The following GRAP2 variants were observed in gnomAD, a reference collection of about 807,000 sequenced individuals.
GRAP2 encodes GRB2-related adapter protein 2.
Under a neutral mutation model 43.5 loss-of-function variants are expected in GRAP2, and 31 were observed. The ratio of observed to expected loss-of-function variants is 0.71; its 90% CI spans 0.54 to 0.96. The LOEUF (loss-of-function observed/expected upper bound fraction) is 0.96, where lower values mean the gene tolerates loss of function less well. Ranked by LOEUF, GRAP2 falls within the 40% of genes least tolerant of loss-of-function variation. The pLI, the probability that GRAP2 is intolerant of heterozygous loss-of-function variation, is 0.00. For missense variants in GRAP2, 371 were observed against 424.4 expected, an observed-to-expected ratio of 0.87 and a Z score of 1.11; for synonymous variants, 156 against 164.8, an observed-to-expected ratio of 0.95 and a Z score of 0.41.
intron 1 of GRAP2, among the ~76,000 whole-genome samples, chr22:39,902,121 T>C (rs2066497340): frequency 1.3e-5 from 2 of 152,262 alleles, no homozygotes; most frequent in Non-Finnish European, 2.9e-5. Context: ...ATTTGCACAC[T>C]ATTGAACATA....
chr22:39,953,237 C>T (rs1426777645), intron 2 of GRAP2, among the ~76,000 whole-genome samples: 1 of 152,176 alleles, frequency 6.6e-6, no homozygotes, highest in Non-Finnish European at 1.5e-5. Context: ...GCTCCCTGAG[C>T]TTTTCTTCTT....
chr22:39,952,239 C>A (rs1269336740), intron 2 of GRAP2, among the ~76,000 whole-genome samples: 4 of 152,042 alleles, frequency 2.6e-5, no homozygotes. Flanking sequence ...GTTGGCCAGG[C>A]TGGTCTCAAA....
chr22:39,912,404 A>G (rs960271298), intron 1 of GRAP2, among the ~76,000 whole-genome samples: 3 of 152,214 alleles, frequency 2.0e-5, no homozygotes, highest in Non-Finnish European at 2.9e-5. Context: ...CCTGGGTGAC[A>G]TAGTGAGACC....
chr22:39,946,498 A>G (rs1438894413), intron 1 of GRAP2, among the ~76,000 whole-genome samples: 1 of 152,234 alleles, frequency 6.6e-6, no homozygotes, highest in Admixed American at 6.5e-5. Context: ...AATATATCAT[A>G]AAATAAGTAA....
Position 39,972,688 on chromosome 22 carries a change from G to A in GRAP2, c.*1604G>A, listed in dbSNP as rs1215589570. 4 of 152,244 alleles carry A rather than the reference G, an allele frequency of 2.6e-5. No homozygotes were observed. Among genetic ancestry groups the A allele is most frequent in the African/African-American group, 9.7e-5 (4 of 41,436 alleles). 9.4% of individuals were successfully genotyped at this position (152,244 alleles called of 1,614,324 possible). A position where few individuals can be genotyped will look rare whatever the true frequency, so the allele number is the denominator to read the frequency against. The stretch of plus-strand genomic sequence containing the variant: ...CACAAGCAGTGTCCCTTGTGACTGT[G>A]ATTCTACAGTTCTCTGATCCTCATG... On this transcript the variant is annotated 3_prime_UTR_variant, in exon 8 of 8. Coordinates refer to ENST00000344138, the MANE Select transcript of GRAP2 (RefSeq NM_004810.4).
At chr22:39,896,813 G>A (rs768461860), upstream of GRAP2, among the ~76,000 whole-genome samples, 2 of 152,128 alleles carry the variant, frequency 1.3e-5, no homozygotes, top group African/African-American at 4.8e-5. Flanking sequence ...TTGCAATACC[G>A]TAACATCCAC....
intron 1 of GRAP2, among the ~76,000 whole-genome samples, chr22:39,922,700 C>T (rs1168695642): frequency 3.3e-5 from 5 of 152,032 alleles, no homozygotes; most frequent in South Asian, 2.1e-4. Context: ...TGGGGAAAGA[C>T]GATAAAGCCC....
intron 1 of GRAP2, among the ~76,000 whole-genome samples, chr22:39,931,900 T>TA (rs2066758976): frequency 6.6e-6 from 1 of 152,174 alleles, no homozygotes; most frequent in African/African-American, 2.4e-5. Context: ...CACACAATAT[T>TA]AAAAGCAGCA....
At chr22:39,970,683 G>T (rs1306837629) in intron 7 of GRAP2, among the ~76,000 whole-genome samples, 1 of 152,166 alleles carries the variant, frequency 6.6e-6, no homozygotes, top group Non-Finnish European at 1.5e-5. Flanking sequence ...CTACTTGGGA[G>T]GCCAAGGCAG....
At chr22:39,961,399 C>CA (rs2067118533) in intron 4 of GRAP2, among the ~76,000 whole-genome samples, 1 of 152,220 alleles carries the variant, frequency 6.6e-6, no homozygotes, top group South Asian at 2.1e-4. Context: ...CTCAGCATGC[C>CA]AAGGGGTGTC....
At chr22:39,949,791 C>T (rs141550607) in intron 2 of GRAP2, among the ~76,000 whole-genome samples, 146 of 152,268 alleles carry the variant, frequency 9.6e-4, no homozygotes, top group Admixed American at 3.4e-3. Context: ...CCCGCATTAT[C>T]GGGATCATCC....
chr22:39,952,029 T>G (rs2066989017), intron 2 of GRAP2, among the ~76,000 whole-genome samples: 1 of 151,450 alleles, frequency 6.6e-6, no homozygotes, highest in South Asian at 2.1e-4. Flanking sequence ...GTTTTTTTTT[T>G]TTTTTTTTTC....
chr22:39,904,629 A>G (rs1167573459), intron 1 of GRAP2, among the ~76,000 whole-genome samples: 3 of 152,176 alleles, frequency 2.0e-5, no homozygotes, highest in Non-Finnish European at 4.4e-5. Flanking sequence ...CTATCTAACC[A>G]CAATTCCATC....
rs2067244579 is a variant in GRAP2 at position 39,971,600 on chromosome 22, CA to C, written c.*517del. ...CACTGTTGCATTAGGAATTAAGGTG[CA>C]GCCCAGTGCTGCGGGCAGCCAAGCG... On this transcript the variant is annotated 3_prime_UTR_variant, in exon 8 of 8. Transcript: ENST00000344138. 6.5e-6 allele frequency: 1 copy of C among 153,338 alleles called. No homozygotes were observed. The highest frequency in any genetic ancestry group is 1.5e-5 in the Non-Finnish European group (1 of 68,934). The allele number at this position is 153,338 out of a possible 1,614,324, so 9.5% of individuals were successfully genotyped here.
At chr22:39,922,644 G>A (rs758197138) in intron 1 of GRAP2, among the ~76,000 whole-genome samples, 16 of 152,174 alleles carry the variant, frequency 1.1e-4, no homozygotes, top group Non-Finnish European at 2.4e-4. Context: ...GAGAATGGAG[G>A]TATTTGAGCC....
chr22:39,941,090 G>T (rs1478924755), intron 1 of GRAP2, among the ~76,000 whole-genome samples: 1 of 152,142 alleles, frequency 6.6e-6, no homozygotes, highest in East Asian at 1.9e-4. Flanking sequence ...CTTTTAAATG[G>T]CTCCTTCTGT....
At position 39,973,495 on chromosome 22, in the gene GRAP2, G is replaced by A. The variant is rs1003834761; in HGVS notation, c.*2411G>A. On this transcript the variant is annotated 3_prime_UTR_variant, in exon 8 of 8. Coordinates refer to ENST00000344138, the MANE Select transcript of GRAP2 (RefSeq NM_004810.4). Reference sequence around the variant, plus strand: ...AACCCCTGGAGCTCGGTGTTCTGTTGTAGCAAAAGCTACTGAAGAGTATTT... The same window carrying A: ...AACCCCTGGAGCTCGGTGTTCTGTTATAGCAAAAGCTACTGAAGAGTATTT... 6.6e-6 allele frequency: 1 copy of A among 152,206 alleles called. No homozygotes were observed. The highest frequency in any genetic ancestry group is 2.4e-5 in the African/African-American group (1 of 41,448). 9.4% of individuals were successfully genotyped at this position (152,206 alleles called of 1,614,324 possible).
chr22:39,945,917 G>A (rs1395441367), intron 1 of GRAP2, among the ~76,000 whole-genome samples: 1 of 152,224 alleles, frequency 6.6e-6, no homozygotes, highest in Non-Finnish European at 1.5e-5. Flanking sequence ...CTGGAGTACA[G>A]TGGCATGATC....
chr22:39,930,288 G>A (rs1345608673), intron 1 of GRAP2, among the ~76,000 whole-genome samples: 1 of 152,110 alleles, frequency 6.6e-6, no homozygotes, highest in African/African-American at 2.4e-5. Context: ...TGATTCCCTT[G>A]AGTTAAGACA....
Sources: gnomAD v4.1 joint callset for allele counts (sites outside exome capture counted in the v4.1 genomes callset) on GRCh38, gnomAD v4.1.1 for gene constraint, MANE v1.5 for transcripts, NCBI Gene and HGNC (gene_info 2026-07-23, HGNC 2026-07-21) for gene names.